Variants in SLC25A21 observed in about 807,000 individuals in gnomAD.
SLC25A21 encodes the protein mitochondrial 2-oxodicarboxylate carrier.
SLC25A21 carries 47 observed loss-of-function variants against 43.8 expected under a neutral mutation model. That is an observed-to-expected ratio of 1.07 (90% CI 0.85 to 1.37). SLC25A21 has a LOEUF of 1.37. Ranked by LOEUF, SLC25A21 falls within the 40% of genes most tolerant of loss-of-function variation. The probability of loss-of-function intolerance (pLI) is 0.00; values close to 1 mark genes in which losing one functional copy is unlikely to be tolerated. For synonymous variants in SLC25A21, 131 were observed against 121.3 expected (o/e 1.08, Z -0.52); for missense variants, 352 against 350.2 (o/e 1.00, Z -0.04).
intron 3 of SLC25A21, among the ~76,000 whole-genome samples, chr14:36,738,912 G>A (rs74044956): frequency 0.066 from 10,098 of 152,094 alleles, 1,103 homozygotes; most frequent in African/African-American, 0.23. Flanking sequence ...ATGTACACAT[G>A]GTAATCTCAA....
chr14:36,990,689 C>A (rs935361749), intron 1 of SLC25A21, among the ~76,000 whole-genome samples: 11 of 152,030 alleles, frequency 7.2e-5, no homozygotes, highest in Non-Finnish European at 1.5e-4. Context: ...CCAGCTGGGG[C>A]AACGTAGTAA....
chr14:36,844,790 G>T (rs1889491481), intron 2 of SLC25A21, among the ~76,000 whole-genome samples: 1 of 152,174 alleles, frequency 6.6e-6, no homozygotes, highest in African/African-American at 2.4e-5. Flanking sequence ...ACTTCATGCA[G>T]CTCAGTAATA....
intron 1 of SLC25A21, among the ~76,000 whole-genome samples, chr14:36,903,522 A>C (rs973381375): frequency 3.2e-4 from 47 of 146,872 alleles, no homozygotes; most frequent in African/African-American, 1.1e-3. Context: ...CTGAGGCAGG[A>C]GAATCGCTTG....
intron 3 of SLC25A21, among the ~76,000 whole-genome samples, chr14:36,758,430 C>T (rs921482632): frequency 6.6e-6 from 1 of 151,940 alleles, no homozygotes; most frequent in Non-Finnish European, 1.5e-5. Context: ...AGGAGAGGGG[C>T]GTAGTGTTTC....
intron 3 of SLC25A21, among the ~76,000 whole-genome samples, chr14:36,789,909 T>A (rs1365156447): frequency 8.0e-6 from 1 of 124,252 alleles, no homozygotes; most frequent in Non-Finnish European, 1.6e-5. Context: ...TATATATTTA[T>A]ATATATTATA....
intron 7 of SLC25A21, among the ~76,000 whole-genome samples, chr14:36,685,935 A>AC (rs1294996377): frequency 2.0e-5 from 3 of 151,334 alleles, no homozygotes; most frequent in Non-Finnish European, 4.4e-5. Flanking sequence ...GCTGACTCCG[A>AC]CCCCCCACCC....
intron 1 of SLC25A21, among the ~76,000 whole-genome samples, chr14:37,015,387 C>T (rs1053757134): frequency 8.0e-4 from 121 of 152,088 alleles, no homozygotes; most frequent in African/African-American, 2.7e-3. Context: ...TTTTTTATGG[C>T]TGCATAGTAT....
At chr14:36,977,907 T>C (rs1229833537) in intron 1 of SLC25A21, among the ~76,000 whole-genome samples, 1 of 151,432 alleles carries the variant, frequency 6.6e-6, no homozygotes, top group Non-Finnish European at 1.5e-5. Context: ...TCTTTCTCTC[T>C]TTTATTTCAC....
chr14:36,707,684 T>C (rs1190605091), intron 7 of SLC25A21, among the ~76,000 whole-genome samples: 3 of 152,236 alleles, frequency 2.0e-5, no homozygotes, highest in Non-Finnish European at 4.4e-5. Context: ...CTGAGCCACA[T>C]GGCACATGTT....
chr14:37,037,171 T>C (rs1765148084), intron 1 of SLC25A21, among the ~76,000 whole-genome samples: 1 of 152,232 alleles, frequency 6.6e-6, no homozygotes, highest in African/African-American at 2.4e-5. Context: ...AAGTTATTTC[T>C]AAATTTTCAC....
Position 36,734,540 on chromosome 14 carries a change from A to G in SLC25A21, c.237T>C (p.Pro79=), listed in dbSNP as rs1483682443. 1.9e-6 allele frequency: 3 copies of G among 1,608,216 alleles called. No homozygotes were observed. Among genetic ancestry groups the G allele is most frequent in the Admixed American group, 3.4e-5 (2 of 59,606 alleles). Residue 79 remains proline, a synonymous_variant, in exon 4 of 10, where the codon CCT becomes CCC. Transcript: ENST00000331299. The stretch of plus-strand genomic sequence containing the variant: ...CTCTTTTTGGGGTTTCAGCCAAGAT[A>G]GGTGGCAGAATTCCCTTGTAAAAAC... ...LFGFYKGILP[P]ILAETPKRAV...
Position 36,725,550 on chromosome 14 carries a change from G to T in SLC25A21, c.438+20C>A. Reference sequence around the variant, plus strand: ...AAATTTTTACATGCCCCTAACAATAGAAAAACATTAAATGGTTACCTCTGC... The same window carrying T: ...AAATTTTTACATGCCCCTAACAATATAAAAACATTAAATGGTTACCTCTGC... On this transcript the variant is annotated intron_variant, in intron 6 of 9. Transcript: ENST00000331299. 1 of 1,352,550 alleles carries T rather than the reference G, an allele frequency of 7.4e-7. No homozygotes were observed. The highest frequency in any genetic ancestry group is 9.9e-7 in the Non-Finnish European group (1 of 1,008,386). The allele number at this position is 1,352,550 out of a possible 1,614,324, so 83.8% of individuals were successfully genotyped here.
chr14:36,847,313 G>C (rs1889577197), intron 2 of SLC25A21, among the ~76,000 whole-genome samples: 1 of 152,020 alleles, frequency 6.6e-6, no homozygotes, highest in African/African-American at 2.4e-5. Context: ...AAAATACCCA[G>C]CCATCAGAGA....
chr14:37,116,031 A>G (rs544851416), intron 1 of SLC25A21, among the ~76,000 whole-genome samples: 71 of 152,188 alleles, frequency 4.7e-4, no homozygotes, highest in Non-Finnish European at 9.9e-4. Flanking sequence ...AACTTGTCCC[A>G]GGGAACAATC....
At chr14:36,815,756 C>G (rs1220347907) in intron 2 of SLC25A21, among the ~76,000 whole-genome samples, 1 of 152,046 alleles carries the variant, frequency 6.6e-6, no homozygotes, top group Non-Finnish European at 1.5e-5. Context: ...CTCATTTCTC[C>G]CGTACCTGAG....
intron 7 of SLC25A21, among the ~76,000 whole-genome samples, chr14:36,710,567 C>T (rs1253519149): frequency 1.3e-5 from 2 of 151,924 alleles, no homozygotes; most frequent in Non-Finnish European, 2.9e-5. Flanking sequence ...AGTAGCTTCA[C>T]TATAAGTGCA....
chr14:37,087,368 A>C (rs1489793822), intron 1 of SLC25A21, among the ~76,000 whole-genome samples: 1 of 152,180 alleles, frequency 6.6e-6, no homozygotes, highest in Non-Finnish European at 1.5e-5. Flanking sequence ...TGCCAACTCA[A>C]GTTCCTTTTG....
In SLC25A21 at chr14:36,711,324, G is replaced by T; in HGVS notation, c.597C>A (p.Val199=). Residue 199 remains valine (V), a synonymous_variant, in exon 7 of 10, where the codon GTC becomes GTA. Coordinates refer to ENST00000331299, the MANE Select transcript of SLC25A21 (RefSeq NM_030631.4). ...TAATTTATTAAATAGTTACCTTATT[G>T]ACAGGAATCATGTTTTTGACATTGT... ...FYYNVKNMIP[V]NKDPILEFWR... The T allele has an allele frequency of 6.2e-7, 1 of 1,613,302 alleles. No individual in the cohort carries two copies. The highest frequency in any genetic ancestry group is 1.1e-5 in the South Asian group (1 of 90,878).
intron 1 of SLC25A21, among the ~76,000 whole-genome samples, chr14:37,053,562 T>G (rs1187329062): frequency 6.6e-6 from 1 of 152,208 alleles, no homozygotes; most frequent in African/African-American, 2.4e-5. Context: ...CAAAAATAAT[T>G]TTCTTAACTC....
Sources: gnomAD v4.1 joint callset for allele counts (sites outside exome capture counted in the v4.1 genomes callset) on GRCh38, gnomAD v4.1.1 for gene constraint, MANE v1.5 for transcripts, NCBI Gene and HGNC (gene_info 2026-07-23, HGNC 2026-07-21) for gene names.